SEPTIN9: variants seen among roughly 807,000 people sequenced by gnomAD.
SEPTIN9 encodes septin 9, also known as septin-9.
Under a neutral mutation model 56.6 loss-of-function variants are expected in SEPTIN9, and 13 were observed. That is an observed-to-expected ratio of 0.23 (90% CI 0.15 to 0.37). The LOEUF is 0.37. Ranked by LOEUF, SEPTIN9 falls within the 10% of genes least tolerant of loss-of-function variation. The pLI is 1.00. For missense variants in SEPTIN9, 650 were observed against 823.1 expected (o/e 0.79, Z 2.57); for synonymous variants, 332 against 334.1 (o/e 0.99, Z 0.07).
chr17:77,287,098 C>T lies in SEPTIN9; in HGVS notation c.19+5544C>T, dbSNP rs529149813. Among the ~76,000 whole-genome samples the T allele has an allele frequency of 3.3e-5, 5 of 152,338 alleles. No individual in the cohort carries two copies. The East Asian group carries it at 7.7e-4, about 24-fold the overall frequency. ...TTGCTGTGTGAAGTGGCTCAGTCTC[C>T]GGGAGAGTCCTTAGCCAGGCAGGCC... On this transcript the variant is annotated intron_variant, in intron 1 of 11. Transcript: ENST00000427177.
At position 77,499,186 on chromosome 17, in the gene SEPTIN9, C is replaced by T; in HGVS notation, c.*528C>T. ...GTGTGGCCATCACTCAGCCCCTACC[C>T]CTGCCCTGCTCCTAAGGGTAGAAAA... is the stretch of plus-strand genomic sequence containing the variant. On this transcript the variant is annotated 3_prime_UTR_variant, in exon 12 of 12. Transcript: ENST00000427177. 1 of 544,282 alleles carries T rather than the reference C, an allele frequency of 1.8e-6. No individual in the cohort carries two copies. Among genetic ancestry groups the T allele is most frequent in the Non-Finnish European group, 3.6e-6 (1 of 281,156 alleles). 33.7% of individuals were successfully genotyped at this position (544,282 alleles called of 1,614,324 possible). A position where few individuals can be genotyped will look rare whatever the true frequency, so the allele number is the denominator to read the frequency against.
intron 4 of SEPTIN9, 191 bp downstream of exon 4, chr17:77,482,526 C>T (rs2039500047): frequency 1.4e-6 from 1 of 723,920 alleles, no homozygotes; most frequent in Non-Finnish European, 2.5e-6. Flanking sequence ...CCTCCAGCGG[C>T]TCCTCAGAGG....
intron 2 of SEPTIN9, among the ~76,000 whole-genome samples, chr17:77,383,612 C>A (rs1246065561): frequency 3.3e-5 from 5 of 152,244 alleles, no homozygotes; most frequent in African/African-American, 1.2e-4. Context: ...CCCACTTCAG[C>A]CTGGCTGCTC....
chr17:77,344,184 C>CA (rs60905002), intron 2 of SEPTIN9, among the ~76,000 whole-genome samples: 34,232 of 151,518 alleles, frequency 0.23, 4,089 homozygotes, highest in Middle Eastern at 0.3. Flanking sequence ...AGCCACAAAA[C>CA]AAAAAAAAAC....
rs762317223 is a variant in SEPTIN9, at chr17:77,307,165, G to A, written c.44G>A (p.Arg15Gln). The A allele has an allele frequency of 1.9e-5, 31 of 1,613,776 alleles. No individual in the cohort carries two copies. The highest frequency in any genetic ancestry group is 4.0e-5 in the African/African-American group (3 of 74,918). Residue 15 changes from arginine (R) to glutamine (Q), a missense_variant, in exon 2 of 12, where the codon CGG becomes CAG. Arg to Gln is a conservative substitution (Grantham distance 43). Transcript: ENST00000427177. ...GGAGGCACGCGGACCTCCAGTGGCC[G>A]GCTCCGGAGGCTTGGTGACTCCAGT... ...YSGGTRTSSG[R>Q]LRRLGDSSGP...
chr17:77,342,084 AAAAC>A (rs2033751704), intron 2 of SEPTIN9, among the ~76,000 whole-genome samples: 1 of 151,980 alleles, frequency 6.6e-6, no homozygotes, highest in South Asian at 2.1e-4. Flanking sequence ...CAAAAAAAAA[AAAAC>A]AAAGAAAGAA....
At chr17:77,444,476 G>A (rs565558159) in intron 3 of SEPTIN9, among the ~76,000 whole-genome samples, 1 of 152,030 alleles carries the variant, frequency 6.6e-6, no homozygotes, top group Non-Finnish European at 1.5e-5. Context: ...TGGGGGTCGG[G>A]GAGGGGGGTG....
At chr17:77,497,293 C>T (rs1248997619) in intron 10 of SEPTIN9, 22 bp from the exon 11 acceptor site, 7 of 1,611,292 alleles carry the variant, frequency 4.3e-6, no homozygotes, top group Non-Finnish European at 5.9e-6. Context: ...GACATTAAAG[C>T]CCCTCCTGTC....
intron 2 of SEPTIN9, among the ~76,000 whole-genome samples, chr17:77,355,222 G>C (rs2034190665): frequency 6.6e-6 from 1 of 152,112 alleles, no homozygotes; most frequent in Non-Finnish European, 1.5e-5. Context: ...CTCCCTTTGG[G>C]GTGTGTGACC....
chr17:77,394,592 G>C (rs55768902), intron 2 of SEPTIN9, among the ~76,000 whole-genome samples: 11,461 of 152,248 alleles, frequency 0.075, 1,391 homozygotes, highest in African/African-American at 0.26. Flanking sequence ...GCTGAGCTGC[G>C]CATGAGATTA....
intron 1 of SEPTIN9, among the ~76,000 whole-genome samples, chr17:77,290,779 C>T (rs773199534): frequency 6.7e-6 from 1 of 150,024 alleles, no homozygotes; most frequent in Non-Finnish European, 1.5e-5. Context: ...TGCGCCAGTG[C>T]ACTCCAGCCT....
chr17:77,334,115 C>T (rs16969912), intron 2 of SEPTIN9, among the ~76,000 whole-genome samples: 29,021 of 151,826 alleles, frequency 0.19, 2,961 homozygotes, highest in Middle Eastern at 0.28. Context: ...ACTGTTTCCC[C>T]ATGGGTCTCA....
intron 3 of SEPTIN9, among the ~76,000 whole-genome samples, chr17:77,438,730 G>A (rs368278089): frequency 2.3e-4 from 35 of 152,178 alleles, no homozygotes; most frequent in African/African-American, 8.4e-4. Flanking sequence ...GTGGAGTGTG[G>A]GACTAATCTG....
chr17:77,313,218 G>A lies in SEPTIN9; in HGVS notation c.76+6021G>A, dbSNP rs867543461. 6.6e-6 allele frequency among the ~76,000 whole-genome samples: 1 copy of A among 152,222 alleles called. No individual in the cohort carries two copies. The highest frequency in any genetic ancestry group is 1.5e-5 in the Non-Finnish European group (1 of 68,036). ...CCTCGCTCTGCAGGGGCAGTCGGGG[G>A]CCCCCTCTAGGAATGGAGCGCCAGC... On this transcript the variant is annotated intron_variant, in intron 2 of 11. Transcript: ENST00000427177. This position sits in a 1 kb window ranked among gnomAD's most constrained non-coding sequence, Gnocchi z 4.5.
chr17:77,373,638 G>C (rs1452985562), intron 2 of SEPTIN9: 1 of 1,502,990 alleles, frequency 6.7e-7, no homozygotes, highest in Non-Finnish European at 8.9e-7. Flanking sequence ...GGTGCGCTGA[G>C]GGGAGACGGG....
chr17:77,383,005 C>G (rs550070681), intron 2 of SEPTIN9, among the ~76,000 whole-genome samples: 57 of 152,218 alleles, frequency 3.7e-4, no homozygotes, highest in African/African-American at 1.3e-3. Flanking sequence ...CCAGCCCTGG[C>G]TGTGGCCACA....
chr17:77,462,304 C>T (rs1440522732), intron 3 of SEPTIN9, among the ~76,000 whole-genome samples: 3 of 151,518 alleles, frequency 2.0e-5, no homozygotes, highest in Non-Finnish European at 3.0e-5. Flanking sequence ...AGCAGTGGCC[C>T]GATCACGGCT....
chr17:77,373,020 C>A (rs1052225118), intron 2 of SEPTIN9, among the ~76,000 whole-genome samples: 76 of 152,266 alleles, frequency 5.0e-4, no homozygotes, highest in African/African-American at 1.7e-3. Context: ...GCCCTCCTCG[C>A]CATGGCCCGG....
At chr17:77,404,987 C>T (rs550440665) in intron 3 of SEPTIN9, 54 of 1,175,674 alleles carry the variant, frequency 4.6e-5, no homozygotes, top group South Asian at 1.6e-4. Context: ...CTTTGTTTGA[C>T]GTGCCGGATA....
Sources: allele counts gnomAD v4.1 joint callset (sites outside exome capture counted in the v4.1 genomes callset), GRCh38; gene constraint gnomAD v4.1.1; non-coding constraint Gnocchi (gnomAD v3.1); transcripts MANE v1.5; gene names NCBI Gene and HGNC (gene_info 2026-07-23, HGNC 2026-07-21).